The following PTPN23 variants were observed in gnomAD, a reference collection of about 807,000 sequenced individuals.
PTPN23 encodes protein tyrosine phosphatase non-receptor type 23.
Under a neutral mutation model 156.3 loss-of-function variants are expected in PTPN23, and 72 were observed. The observed-to-expected ratio is 0.46, with a 90% confidence interval of 0.38 to 0.56. The LOEUF is 0.56. PTPN23 is among the 20% of genes least tolerant of loss of function. PTPN23 has a pLI of 0.00. For synonymous variants in PTPN23, 957 were observed against 899.6 expected (o/e 1.06, Z -1.14); for missense variants, 1,974 against 2,171.5 (o/e 0.91, Z 1.81).
chr3:47,410,538 C>T lies in PTPN23; in HGVS notation c.2740C>T (p.Pro914Ser). 6.2e-7 allele frequency: 1 copy of T among 1,611,488 alleles called. No homozygotes were observed. Among genetic ancestry groups the T allele is most frequent in the Non-Finnish European group, 8.5e-7 (1 of 1,179,126 alleles). ...APPPPCFPVPPPQPLPTPYTY... is the reference protein window; with the variant it reads ...APPPPCFPVPSPQPLPTPYTY... ...TCCCCCGCCCTGCTTCCCTGTGCCC[C>T]CACCGCAGCCACTGCCCACGCCTTA... is the stretch of plus-strand genomic sequence containing the variant. Residue 914 changes from proline (P) to serine (S), a missense_variant, in exon 20 of 25, where the codon CCA becomes TCA. Physicochemically the swap from Pro to Ser is moderately conservative, Grantham distance 74. Transcript: ENST00000265562.
At chr3:47,404,034 C>T (rs1454185605) in intron 2 of PTPN23, among the ~76,000 whole-genome samples, 1 of 152,170 alleles carries the variant, frequency 6.6e-6, no homozygotes, top group African/African-American at 2.4e-5. Flanking sequence ...AGTTTGAGAA[C>T]AGCCTGGGCA....
Position 47,413,352 on chromosome 3 carries a change from G to C in PTPN23, c.*167G>C. The C allele has an allele frequency of 1.1e-6, 1 of 943,084 alleles. No homozygotes were observed. Among genetic ancestry groups the C allele is most frequent in the Non-Finnish European group, 1.6e-6 (1 of 638,812 alleles). 58.4% of individuals were successfully genotyped at this position (943,084 alleles called of 1,614,324 possible). On this transcript the variant is annotated 3_prime_UTR_variant, in exon 25 of 25. Coordinates refer to ENST00000265562, the MANE Select transcript of PTPN23 (RefSeq NM_015466.4). ...CCTGTGGGGTGGAAATGTACTGCAG[G>C]CTCTGGGTCAGGTTCTGCTCCTTTA...
Position 47,405,927 on chromosome 3 carries a change from T to G in PTPN23, c.427T>G (p.Ser143Ala). 6.2e-7 allele frequency: 1 copy of G among 1,613,960 alleles called. No individual in the cohort carries two copies. ...KRVSEEGMKV[S>A]CTHFQCAAGA... ...CACTCCCTCCCAGGGCATGAAGGTC[T>G]CCTGTACCCATTTCCAGTGCGCAGC... Residue 143 changes from serine (S) to alanine (A), a missense_variant, in exon 6 of 25, where the codon TCC becomes GCC. Ser to Ala is a moderately conservative substitution (Grantham distance 99). Around this residue, in one of 4 missense-constraint regions of PTPN23, gnomAD observed 726 missense variants for 929.5 expected, o/e 0.78. Transcript: ENST00000265562. This position sits in a 1 kb window ranked among gnomAD's most constrained non-coding sequence, Gnocchi z 4.7.
rs759700599 is a variant in PTPN23, at chr3:47,410,383, C to T, written c.2585C>T (p.Ser862Leu). The change falls in exon 20 of 25, where the codon TCG becomes TTG. Residue 862 changes from serine (S) to leucine (L), a missense_variant. Transcript: ENST00000265562. ...GCCCCACCAGTTGCAGGTCTCCCCT[C>T]GGCCCCACCTCCTCAATTCTCAGGC... ...GPAPPVAGLP[S>L]APPPQFSGPE... 1.2e-5 allele frequency: 20 copies of T among 1,610,924 alleles called. No individual in the cohort carries two copies. Among genetic ancestry groups the T allele is most frequent in the Middle Eastern group, 1.6e-4 (1 of 6,078 alleles).
At chr3:47,399,647 A>C (rs1243738769) in intron 2 of PTPN23, among the ~76,000 whole-genome samples, 1 of 152,166 alleles carries the variant, frequency 6.6e-6, no homozygotes, top group Non-Finnish European at 1.5e-5. Flanking sequence ...TGCACAGAGC[A>C]ATGGGCTGGG....
Position 47,410,884 on chromosome 3 carries a change from C to T in PTPN23, c.3086C>T (p.Ala1029Val), listed in dbSNP as rs1180507159. 2 of 1,611,212 alleles carry T rather than the reference C, an allele frequency of 1.2e-6. No individual in the cohort carries two copies. The highest frequency in any genetic ancestry group is 1.7e-6 in the Non-Finnish European group (2 of 1,178,636). The change falls in exon 20 of 25, where the codon GCC (alanine) becomes GTC (valine). Residue 1029 changes from alanine to valine, a missense_variant. By Grantham distance (64) the Ala-to-Val change is moderately conservative. This residue lies in a region of PTPN23 where 731 missense variants were observed against 669.1 expected (regional missense o/e 1.09). Coordinates refer to ENST00000265562, the MANE Select transcript of PTPN23 (RefSeq NM_015466.4). The part of the protein sequence containing the change: ...YPGPAQDPLP[A>V]HSGALPFPSP... Reference sequence around the variant, plus strand: ...GGTCCCGCTCAAGACCCTCTGCCAGCCCACTCAGGGGCTCTGCCTTTCCCC... The same window carrying T: ...GGTCCCGCTCAAGACCCTCTGCCAGTCCACTCAGGGGCTCTGCCTTTCCCC...
intron 1 of PTPN23, among the ~76,000 whole-genome samples, chr3:47,384,124 C>G (rs1241381005): frequency 7.8e-6 from 1 of 128,922 alleles, no homozygotes; most frequent in Non-Finnish European, 1.6e-5. Flanking sequence ...TTTTTTTTTT[C>G]AAGGAATTCA....
rs569567334 is a variant in PTPN23, at chr3:47,404,896, C to T, written c.288-109C>T. The T allele has an allele frequency of 3.2e-5, 50 of 1,569,012 alleles. No individual in the cohort carries two copies. The Middle Eastern group carries it at 8.6e-4, about 27-fold the overall frequency. On this transcript the variant is annotated intron_variant, in intron 3 of 24. Transcript: ENST00000265562. ...AGGATGGGGAATGGCCTCATATGGTCCCCCCAGGCCTCCCCACATCCCCAC... is the reference window on the plus strand; with the variant it reads ...AGGATGGGGAATGGCCTCATATGGTTCCCCCAGGCCTCCCCACATCCCCAC...
chr3:47,402,926 G>A (rs1705026916), intron 2 of PTPN23, among the ~76,000 whole-genome samples: 1 of 152,012 alleles, frequency 6.6e-6, no homozygotes, highest in South Asian at 2.1e-4. Flanking sequence ...GGCTGGCATC[G>A]AACTCCTGAC....
At chr3:47,395,309 T>G (rs1704855811) in intron 1 of PTPN23, among the ~76,000 whole-genome samples, 1 of 152,084 alleles carries the variant, frequency 6.6e-6, no homozygotes, top group Admixed American at 6.5e-5. Context: ...CCCTGTGAGG[T>G]GGGTATCAGT....
At chr3:47,389,840 CAAAAA>C (rs34520125) in intron 1 of PTPN23, among the ~76,000 whole-genome samples, 3 of 32,346 alleles carry the variant, frequency 9.3e-5, no homozygotes, top group African/African-American at 3.0e-4. Flanking sequence ...GACTCCGTCT[CAAAAA>C]AAAAAAAAAA....
At chr3:47,392,565 G>A (rs1704797673) in intron 1 of PTPN23, among the ~76,000 whole-genome samples, 1 of 152,104 alleles carries the variant, frequency 6.6e-6, no homozygotes, top group African/African-American at 2.4e-5. Flanking sequence ...GAGAGGGGGT[G>A]GAGTTGGATA....
chr3:47,411,058 C>CA lies in PTPN23; in HGVS notation c.3261dup (p.Pro1088ThrfsTer63). On this transcript the variant is annotated frameshift_variant, in exon 20 of 25. Coordinates refer to ENST00000265562, the MANE Select transcript of PTPN23 (RefSeq NM_015466.4). LOFTEE classifies it high-confidence loss of function. This position sits in a 1 kb window ranked among gnomAD's most constrained non-coding sequence, Gnocchi z 6.3. Reference sequence around the variant, plus strand: ...ACCCCTAGTCCCCACCTGGTGCCTTCACCTGCCCCATCTCCAGGGCCTGGT... The same window carrying CA: ...ACCCCTAGTCCCCACCTGGTGCCTTCAACCTGCCCCATCTCCAGGGCCTGGT... 6.3e-7 allele frequency: 1 copy of CA among 1,585,490 alleles called. No homozygotes were observed. Among genetic ancestry groups the CA allele is most frequent in the Non-Finnish European group, 8.6e-7 (1 of 1,166,566 alleles).
In PTPN23 at chr3:47,406,353, A is replaced by C; in HGVS notation, c.575A>C (p.Lys192Thr). 6.2e-7 allele frequency: 1 copy of C among 1,613,758 alleles called. No individual in the cohort carries two copies. Among genetic ancestry groups the C allele is most frequent in the Non-Finnish European group, 8.5e-7 (1 of 1,180,014 alleles). Residue 192 changes from lysine to threonine, a missense_variant, in exon 7 of 25, where the codon AAG (lysine) becomes ACG (threonine). Lys to Thr is a moderately conservative substitution (Grantham distance 78). Around this residue, in one of 4 missense-constraint regions of PTPN23, gnomAD observed 726 missense variants for 929.5 expected, o/e 0.78. Transcript: ENST00000265562. The surrounding 1 kb of genome is among the most constrained non-coding windows in gnomAD (Gnocchi z 5.8). Reference protein sequence around the residue: ...LGQAQECLLEKSMLDNRKSFL... With the variant: ...LGQAQECLLETSMLDNRKSFL... ...CAGGCTCAGGAGTGCCTCCTGGAGA[A>C]GTCGATGTTGGACAACAGGAAGAGC...
At chr3:47,385,537 C>A (rs1704635286) in intron 1 of PTPN23, among the ~76,000 whole-genome samples, 1 of 152,062 alleles carries the variant, frequency 6.6e-6, no homozygotes, top group Non-Finnish European at 1.5e-5. Flanking sequence ...ATTAGCTGGG[C>A]ATGGTGGTGC....
chr3:47,397,968 G>A (rs1253314183), intron 2 of PTPN23, among the ~76,000 whole-genome samples: 2 of 151,416 alleles, frequency 1.3e-5, no homozygotes, highest in Non-Finnish European at 2.9e-5. Context: ...ACCGCGCCCC[G>A]CCTGGTGAAG....
At chr3:47,399,739 A>G (rs1015193984) in intron 2 of PTPN23, among the ~76,000 whole-genome samples, 1 of 152,208 alleles carries the variant, frequency 6.6e-6, no homozygotes, top group Non-Finnish European at 1.5e-5. Flanking sequence ...ACACATGGCC[A>G]TCTGGGGTAG....
chr3:47,410,569 A>C lies in PTPN23; in HGVS notation c.2771A>C (p.Tyr924Ser), dbSNP rs1324547150. ...PPQPLPTPYTYPAGAKQPIPA... is the reference protein window; with the variant it reads ...PPQPLPTPYTSPAGAKQPIPA... Reference sequence around the variant, plus strand: ...CAGCCACTGCCCACGCCTTACACCTACCCTGCAGGGGCTAAGCAACCCATC... The same window carrying C: ...CAGCCACTGCCCACGCCTTACACCTCCCCTGCAGGGGCTAAGCAACCCATC... Residue 924 changes from tyrosine to serine, a missense_variant, in exon 20 of 25, where the codon TAC (tyrosine) becomes TCC (serine). Coordinates refer to ENST00000265562, the MANE Select transcript of PTPN23 (RefSeq NM_015466.4). 2 of 1,600,012 alleles carry C rather than the reference A, an allele frequency of 1.2e-6. No homozygotes were observed. Among genetic ancestry groups the C allele is most frequent in the Non-Finnish European group, 8.5e-7 (1 of 1,177,210 alleles).
rs773794293 is a variant in PTPN23, at chr3:47,413,198, T to G, written c.*13T>G. ...CAACAAGACCTGAACAGGTTTTGCC[T>G]ACCTGGTCCTTACACTACATCATCA... On this transcript the variant is annotated 3_prime_UTR_variant, in exon 25 of 25. Coordinates refer to ENST00000265562, the MANE Select transcript of PTPN23 (RefSeq NM_015466.4). 6.2e-7 allele frequency: 1 copy of G among 1,600,016 alleles called. No homozygotes were observed. Among genetic ancestry groups the G allele is most frequent in the Non-Finnish European group, 8.5e-7 (1 of 1,172,450 alleles).
Sources: allele counts gnomAD v4.1 joint callset (sites outside exome capture counted in the v4.1 genomes callset), GRCh38; gene constraint gnomAD v4.1.1; regional missense constraint gnomAD v4.1.1; non-coding constraint Gnocchi (gnomAD v3.1); transcripts MANE v1.5; gene names NCBI Gene and HGNC (gene_info 2026-07-23, HGNC 2026-07-21).